The following TRPM6 variants were observed in gnomAD, a reference collection of about 807,000 sequenced individuals.
TRPM6 encodes the protein transient receptor potential cation channel subfamily M member 6, also known as channel kinase 2.
TRPM6 carries 111 observed loss-of-function variants against 247.6 expected under a neutral mutation model. The ratio of observed to expected loss-of-function variants is 0.45; its 90% CI spans 0.38 to 0.52. TRPM6 has a LOEUF of 0.52. Ranked by LOEUF, TRPM6 falls within the 20% of genes least tolerant of loss-of-function variation. The pLI, the probability that TRPM6 is intolerant of heterozygous loss-of-function variation, is 0.00. For missense variants in TRPM6, 2,126 were observed against 2,421.5 expected (o/e 0.88, Z 2.56); for synonymous variants, 892 against 853.8 (o/e 1.04, Z -0.78).
rs1826679616 is a variant in TRPM6 at position 74,762,463 on chromosome 9, G to T, written c.4208C>A (p.Pro1403His). 6 of 1,613,928 alleles carry T rather than the reference G, an allele frequency of 3.7e-6. No homozygotes were observed. Among genetic ancestry groups the T allele is most frequent in the Admixed American group, 1.7e-5 (1 of 59,970 alleles). ...VVSDWASVDE[P>H]KEKHEPIAHL... ...AGCAATAGGCTCGTGCTTTTCCTTG[G>T]GTTCATCCACTGATGCCCAGTCAGA... The change falls in exon 26 of 39, where the codon CCC (proline) becomes CAC (histidine). Residue 1403 changes from proline to histidine, a missense_variant. Transcript: ENST00000360774.
intron 5 of TRPM6, among the ~76,000 whole-genome samples, chr9:74,836,900 T>A (rs1226224654): frequency 2.6e-5 from 4 of 152,240 alleles, no homozygotes; most frequent in African/African-American, 4.8e-5. Flanking sequence ...CCAAGTGCTA[T>A]ATCCTTCCCA....
rs1169191996 is a variant in TRPM6 at position 74,722,696 on chromosome 9, T to TATTAACATTTTATCCTCATTGCC, written c.*1894_*1916dup. The stretch of plus-strand genomic sequence containing the variant: ...TAAAGTTGTTAAGTCCCCAAAAAAG[T>TATTAACATTTTATCCTCATTGCC]ATTAACATTTTATCCTCATTGCCAA... On this transcript the variant is annotated 3_prime_UTR_variant, in exon 39 of 39. Transcript: ENST00000360774. 1.3e-5 allele frequency: 2 copies of TATTAACATTTTATCCTCATTGCC among 152,144 alleles called. No individual in the cohort carries two copies. Among genetic ancestry groups the TATTAACATTTTATCCTCATTGCC allele is most frequent in the Non-Finnish European group, 2.9e-5 (2 of 68,036 alleles). The allele number at this position is 152,144 out of a possible 1,614,324, so 9.4% of individuals were successfully genotyped here. A position where few individuals can be genotyped will look rare whatever the true frequency, so the allele number is the denominator to read the frequency against.
At chr9:74,792,486 T>C (rs1241205859) in intron 19 of TRPM6, 138 bp downstream of exon 19, 4 of 904,574 alleles carry the variant, frequency 4.4e-6, no homozygotes, top group Non-Finnish European at 7.1e-6. Flanking sequence ...CTTTGCTACC[T>C]ACTTTGTCAT....
chr9:74,830,745 TTTTG>T (rs1439865563), intron 6 of TRPM6, among the ~76,000 whole-genome samples: 1,067 of 93,170 alleles, frequency 0.011, 43 homozygotes, highest in African/African-American at 0.038. Flanking sequence ...CCCAGCTAAT[TTTTG>T]TTTTTTTTTT....
rs1044713081 is a variant in TRPM6, at chr9:74,827,627, G to A, written c.841+151C>T. Reference sequence around the variant, plus strand: ...ATACATGGAGGGAGAGAGGAGGGGAGATGCCCATGTGGGAAGGGGGGTGGC... The same window carrying A: ...ATACATGGAGGGAGAGAGGAGGGGAAATGCCCATGTGGGAAGGGGGGTGGC... On this transcript the variant is annotated intron_variant, in intron 7 of 38. Transcript: ENST00000360774. 1.4e-5 allele frequency: 11 copies of A among 772,500 alleles called. No individual in the cohort carries two copies. In the African/African-American group the frequency reaches 1.5e-4, roughly 11 times the overall value. The allele number at this position is 772,500 out of a possible 1,614,324, so 47.9% of individuals were successfully genotyped here. A position where few individuals can be genotyped will look rare whatever the true frequency, so the allele number is the denominator to read the frequency against.
intron 11 of TRPM6, among the ~76,000 whole-genome samples, chr9:74,812,999 A>T (rs56349025): frequency 0.27 from 41,019 of 152,162 alleles, 6,864 homozygotes; most frequent in East Asian, 0.67. Flanking sequence ...GGGAAAACTG[A>T]TTATTGTAAA....
At chr9:74,753,989 T>A (rs1204854449) in intron 28 of TRPM6, among the ~76,000 whole-genome samples, 1 of 151,970 alleles carries the variant, frequency 6.6e-6, no homozygotes, top group African/African-American at 2.4e-5. Context: ...TGTTTGAAAT[T>A]CGTTGGAAAG....
chr9:74,744,334 A>G (rs754750947), intron 31 of TRPM6, among the ~76,000 whole-genome samples, 189 bp from the exon 32 acceptor site: 2 of 152,194 alleles, frequency 1.3e-5, no homozygotes, highest in South Asian at 2.1e-4. Context: ...CCAATCATCA[A>G]TGTAATATCT....
At chr9:74,838,626 A>G (rs1829805984) in intron 5 of TRPM6, among the ~76,000 whole-genome samples, 1 of 152,264 alleles carries the variant, frequency 6.6e-6, no homozygotes, top group African/African-American at 2.4e-5. Flanking sequence ...ACATTCTGCA[A>G]GTGCTACAGG....
At chr9:74,750,866 A>AG in intron 29 of TRPM6, 144 bp from the exon 30 acceptor site, 1 of 775,510 alleles carries the variant, frequency 1.3e-6, no homozygotes, top group Admixed American at 2.0e-5. Context: ...AAAACATACT[A>AG]AACCCAAGCT....
At chr9:74,835,133 G>C (rs1829681118) in intron 5 of TRPM6, among the ~76,000 whole-genome samples, 1 of 152,114 alleles carries the variant, frequency 6.6e-6, no homozygotes, top group African/African-American at 2.4e-5. Context: ...ATTCTAACTG[G>C]TGTGAGATGG....
At chr9:74,795,997 C>T (rs892013340) in intron 18 of TRPM6, among the ~76,000 whole-genome samples, 2 of 152,178 alleles carry the variant, frequency 1.3e-5, no homozygotes, top group African/African-American at 4.8e-5. Context: ...TAAGTATCAC[C>T]TGCCTTCAGT....
chr9:74,768,141 A>G (rs1826891371), intron 25 of TRPM6, among the ~76,000 whole-genome samples: 2 of 152,030 alleles, frequency 1.3e-5, no homozygotes, highest in Non-Finnish European at 2.9e-5. Context: ...CTGCTTCTCA[A>G]TTTTCACTCT....
At chr9:74,728,123 G>A (rs966354789) in intron 38 of TRPM6, 116 bp downstream of exon 38, 12 of 848,856 alleles carry the variant, frequency 1.4e-5, no homozygotes, top group African/African-American at 3.4e-5. Flanking sequence ...CAGGCTCTGC[G>A]AATGACGGTG....
At chr9:74,795,168 A>G (rs934710199) in intron 18 of TRPM6, among the ~76,000 whole-genome samples, 26 of 152,004 alleles carry the variant, frequency 1.7e-4, no homozygotes, top group African/African-American at 6.3e-4. Flanking sequence ...CTCCACGTCC[A>G]TTGCTACTGA....
At chr9:74,804,673 C>G in intron 14 of TRPM6, 1 of 759,932 alleles carries the variant, frequency 1.3e-6, no homozygotes, top group Non-Finnish European at 2.4e-6. Flanking sequence ...CAGCAGTTCC[C>G]TACTGAAGAC....
At chr9:74,820,166 CT>C (rs1829088666) in intron 9 of TRPM6, 137 bp downstream of exon 9, 1 of 939,336 alleles carries the variant, frequency 1.1e-6, no homozygotes, top group Non-Finnish European at 1.7e-6. Flanking sequence ...TCCCTCCCCC[CT>C]CCACCCTGAC....
At chr9:74,832,407 C>A (rs561257434) in intron 6 of TRPM6, among the ~76,000 whole-genome samples, 1 of 151,844 alleles carries the variant, frequency 6.6e-6, no homozygotes, top group Non-Finnish European at 1.5e-5. Flanking sequence ...CTTAAGAAAC[C>A]CTGTTTTTGA....
intron 25 of TRPM6, among the ~76,000 whole-genome samples, chr9:74,766,118 A>T (rs907224366): frequency 2.0e-5 from 3 of 152,256 alleles, no homozygotes; most frequent in African/African-American, 4.8e-5. Flanking sequence ...AGACTCATTA[A>T]GTTCCATTAG....
Sources: gnomAD v4.1 joint callset for allele counts (sites outside exome capture counted in the v4.1 genomes callset) on GRCh38, gnomAD v4.1.1 for gene constraint, MANE v1.5 for transcripts, NCBI Gene and HGNC (gene_info 2026-07-23, HGNC 2026-07-21) for gene names.